NARS1: variants seen among roughly 807,000 people sequenced by gnomAD.
The protein encoded by NARS1 is asparagine--tRNA ligase, cytoplasmic.
In NARS1, 65 loss-of-function variants were observed where a neutral mutation model predicts 79.2. That is an observed-to-expected ratio of 0.82 (90% confidence interval 0.67 to 1.01). The LOEUF (loss-of-function observed/expected upper bound fraction) is 1.01. Ranked by LOEUF, NARS1 falls within the 50% of genes least tolerant of loss-of-function variation. The probability of loss-of-function intolerance (pLI) is 0.00; values close to 1 mark genes in which losing one functional copy is unlikely to be tolerated. For synonymous variants in NARS1, 229 were observed against 238.8 expected, an observed-to-expected ratio of 0.96 and a Z score of 0.38; for missense variants, 649 against 673.8, an observed-to-expected ratio of 0.96 and a Z score of 0.41.
chr18:57,602,290 A>C, intron 13 of NARS1, 65 bp downstream of exon 13: 2 of 1,493,652 alleles, frequency 1.3e-6, no homozygotes, highest in Middle Eastern at 1.8e-4. Context: ...CCTTTTAAAA[A>C]TTTCAATATA....
At chr18:57,612,374 T>A (rs181723007) in intron 5 of NARS1, among the ~76,000 whole-genome samples, 1 of 152,142 alleles carries the variant, frequency 6.6e-6, no homozygotes, top group Non-Finnish European at 1.5e-5. Flanking sequence ...TTCTTATTTA[T>A]GTCCTAAAGG....
In NARS1 at chr18:57,621,805, G is replaced by A. The variant is rs372792555; in HGVS notation, c.-88C>T. On this transcript the variant is annotated 5_prime_UTR_variant, in exon 1 of 14. Coordinates refer to ENST00000256854, the MANE Select transcript of NARS1 (RefSeq NM_004539.4). Reference sequence around the variant, plus strand: ...TCCAACGTGCACCGGCGGTTTCCGCGATTCCGGCGTTGCATCAGAGAGCGT... The same window carrying A: ...TCCAACGTGCACCGGCGGTTTCCGCAATTCCGGCGTTGCATCAGAGAGCGT... The A allele has an allele frequency of 1.2e-6, 2 of 1,601,866 alleles. No individual in the cohort carries two copies. The highest frequency in any genetic ancestry group is 1.7e-6 in the Non-Finnish European group (2 of 1,176,064).
At chr18:57,612,338 T>C (rs564310365) in intron 5 of NARS1, among the ~76,000 whole-genome samples, 85 of 152,338 alleles carry the variant, frequency 5.6e-4, no homozygotes, top group African/African-American at 1.6e-3. Flanking sequence ...CGGTGATACA[T>C]AAATGTTCTT....
intron 11 of NARS1, among the ~76,000 whole-genome samples, chr18:57,603,260 A>G (rs2051525620): frequency 6.6e-6 from 1 of 152,016 alleles, no homozygotes; most frequent in Non-Finnish European, 1.5e-5. Flanking sequence ...GTGACTAGAC[A>G]CAGCTCAGTA....
intron 7 of NARS1, among the ~76,000 whole-genome samples, chr18:57,608,857 T>G (rs1178392283): frequency 6.6e-6 from 1 of 152,206 alleles, no homozygotes; most frequent in Non-Finnish European, 1.5e-5. Flanking sequence ...ACCCTCAATG[T>G]GGGTGGGCAC....
Position 57,601,290 on chromosome 18 carries a change from G to C in NARS1, c.*362C>G, listed in dbSNP as rs1599029354. The C allele has an allele frequency of 6.4e-6, 1 of 157,210 alleles. No homozygotes were observed. The highest frequency in any genetic ancestry group is 1.4e-5 in the Non-Finnish European group (1 of 71,130). The allele number at this position is 157,210 out of a possible 1,614,324, so 9.7% of individuals were successfully genotyped here. ...AAAAGGACAGAAAGATAAGTTACTG[G>C]AGTATCTTACACCATAATCTAAAAT... On this transcript the variant is annotated 3_prime_UTR_variant, in exon 14 of 14. Coordinates refer to ENST00000256854, the MANE Select transcript of NARS1 (RefSeq NM_004539.4).
At chr18:57,606,082 C>T (rs1399337627) in intron 10 of NARS1, 112 bp from the exon 11 acceptor site, 2 of 645,654 alleles carry the variant, frequency 3.1e-6, no homozygotes, top group Non-Finnish European at 5.0e-6. Flanking sequence ...GGTGTGGTGG[C>T]TCATGCCTGT....
chr18:57,607,515 T>G lies in NARS1; in HGVS notation c.730A>C (p.Lys244Gln), dbSNP rs898773274. 6 of 1,614,124 alleles carry G rather than the reference T, an allele frequency of 3.7e-6. No individual in the cohort carries two copies. The African/African-American group carries it at 8.0e-5, about 22-fold the overall frequency. The part of the protein sequence containing the change: ...HMMIRGENMS[K>Q]ILKARSMVTR... ...ACCATGGATCGTGCTTTTAGGATTT[T>G]GGACATGTTTTCTCCTCGGATCATC... The change falls in exon 8 of 14, where the codon AAA becomes CAA. Residue 244 changes from lysine (K) to glutamine (Q), a missense_variant. Coordinates refer to ENST00000256854, the MANE Select transcript of NARS1 (RefSeq NM_004539.4).
chr18:57,604,695 G>A (rs1330160596), intron 11 of NARS1, among the ~76,000 whole-genome samples: 2 of 152,050 alleles, frequency 1.3e-5, no homozygotes, highest in Non-Finnish European at 2.9e-5. Context: ...TTTGAGACCA[G>A]CCCGGGCAAC....
At position 57,602,828 on chromosome 18, in the gene NARS1, G is replaced by A. The variant is rs1308895446; in HGVS notation, c.1367C>T (p.Ser456Phe). The change falls in exon 12 of 14, where the codon TCC (serine) becomes TTC (phenylalanine). Residue 456 changes from serine (S) to phenylalanine (F), a missense_variant. Transcript: ENST00000256854. ...SFYMQRCPEDSRLTESVDVLM... is the reference protein window; with the variant it reads ...SFYMQRCPEDFRLTESVDVLM... ...GAAACTGACAGATTCAGTAAGACGGGAATCCTCAGGACATCGCTGCATGTA... is the reference window on the plus strand; with the variant it reads ...GAAACTGACAGATTCAGTAAGACGGAAATCCTCAGGACATCGCTGCATGTA... The A allele has an allele frequency of 6.2e-7, 1 of 1,613,946 alleles. No individual in the cohort carries two copies. The highest frequency in any genetic ancestry group is 2.2e-5 in the East Asian group (1 of 44,874).
chr18:57,609,025 T>C (rs1243168707), intron 7 of NARS1, among the ~76,000 whole-genome samples: 1 of 152,224 alleles, frequency 6.6e-6, no homozygotes, highest in Non-Finnish European at 1.5e-5. Flanking sequence ...CTCTTGGACT[T>C]ACACCAGTTC....
chr18:57,616,472 G>A (rs1355506489), intron 2 of NARS1, among the ~76,000 whole-genome samples: 1 of 151,580 alleles, frequency 6.6e-6, no homozygotes, highest in African/African-American at 2.4e-5. Context: ...GAAGCTCTGA[G>A]GTCCTCTCAC....
intron 11 of NARS1, among the ~76,000 whole-genome samples, chr18:57,605,365 T>C (rs1393318310): frequency 6.6e-6 from 1 of 151,284 alleles, no homozygotes; most frequent in Non-Finnish European, 1.5e-5. Flanking sequence ...TCCCAGCACT[T>C]TGGGAGGCTG....
intron 7 of NARS1, among the ~76,000 whole-genome samples, chr18:57,608,729 T>C (rs1281575588): frequency 6.6e-6 from 1 of 152,230 alleles, no homozygotes; most frequent in African/African-American, 2.4e-5. Flanking sequence ...TATGCTGTGA[T>C]GGTTAATATT....
At chr18:57,608,043 T>C (rs917551152) in intron 7 of NARS1, among the ~76,000 whole-genome samples, 5 of 151,894 alleles carry the variant, frequency 3.3e-5, no homozygotes, top group African/African-American at 1.2e-4. Context: ...AATTTTTGTA[T>C]ATTTAGTAGA....
intron 7 of NARS1, among the ~76,000 whole-genome samples, chr18:57,608,433 G>A (rs1166928073): frequency 1.2e-4 from 5 of 40,902 alleles, no homozygotes; most frequent in South Asian, 1.4e-3. Flanking sequence ...GCGAAACTCC[G>A]TCTCAAAAAA....
intron 9 of NARS1, 46 bp downstream of exon 9, chr18:57,607,088 A>G (rs769256148): frequency 6.6e-7 from 1 of 1,517,660 alleles, no homozygotes; most frequent in Non-Finnish European, 9.0e-7. Context: ...TTTCTTCTCT[A>G]AAGATATTAC....
chr18:57,607,692 A>G, intron 7 of NARS1, 27 bp from the exon 8 acceptor site: 2 of 1,554,254 alleles, frequency 1.3e-6, no homozygotes, highest in Non-Finnish European at 1.8e-6. Flanking sequence ...TGGGGTCCAG[A>G]GAAAGAGGGA....
chr18:57,615,984 G>A lies in NARS1; in HGVS notation c.94-9C>T, dbSNP rs767410243. On this transcript the variant is annotated splice_polypyrimidine_tract_variant and intron_variant, in intron 2 of 13. Coordinates refer to ENST00000256854, the MANE Select transcript of NARS1 (RefSeq NM_004539.4). ...CCTACTGTCATCAAAGCCTTGGGTA[G>A]GGAGGAGAGAAAAGACAGTTCTTGA... 6 of 1,586,356 alleles carry A rather than the reference G, an allele frequency of 3.8e-6. No individual in the cohort carries two copies. The South Asian group carries it at 7.0e-5, about 18-fold the overall frequency.
Sources: gnomAD v4.1 joint callset for allele counts (sites outside exome capture counted in the v4.1 genomes callset) on GRCh38, gnomAD v4.1.1 for gene constraint, MANE v1.5 for transcripts, NCBI Gene and HGNC (gene_info 2026-07-23, HGNC 2026-07-21) for gene names.